Variants in CNTN4 observed in about 807,000 individuals in gnomAD.
The protein encoded by CNTN4 is contactin-4.
In CNTN4, 77 loss-of-function variants were observed where a neutral mutation model predicts 122.5. The observed-to-expected ratio is 0.63, with a 90% confidence interval of 0.52 to 0.76. The LOEUF is 0.76. Ranked by LOEUF, CNTN4 falls within the 30% of genes least tolerant of loss-of-function variation. CNTN4 has a pLI of 0.00. For missense variants in CNTN4, 1,256 were observed against 1,259.1 expected (o/e 1.00, Z 0.04); for synonymous variants, 512 against 447.0 (o/e 1.15, Z -1.83).
intron 7 of CNTN4, among the ~76,000 whole-genome samples, chr3:2,837,738 T>C (rs1162818583): frequency 6.6e-6 from 1 of 152,110 alleles, no homozygotes; most frequent in Non-Finnish European, 1.5e-5. Flanking sequence ...TGGGGAAATG[T>C]GGTGTTTGTC....
chr3:2,595,087 G>C (rs569355735), intron 4 of CNTN4, among the ~76,000 whole-genome samples: 1 of 152,136 alleles, frequency 6.6e-6, no homozygotes, highest in African/African-American at 2.4e-5. Flanking sequence ...ACATTAGTGG[G>C]AACAGTACAT....
intron 13 of CNTN4, among the ~76,000 whole-genome samples, chr3:2,976,639 C>G (rs1252053839): frequency 6.6e-6 from 1 of 152,108 alleles, no homozygotes; most frequent in Non-Finnish European, 1.5e-5. Flanking sequence ...AGATGGGGAG[C>G]AAAGCCATCT....
intron 3 of CNTN4, among the ~76,000 whole-genome samples, chr3:2,348,758 A>C (rs2044498211): frequency 6.6e-6 from 1 of 152,178 alleles, no homozygotes; most frequent in African/African-American, 2.4e-5. Context: ...CATTATCCAC[A>C]ATGCTCTTTT....
At chr3:2,784,522 A>C (rs759089090) in intron 6 of CNTN4, among the ~76,000 whole-genome samples, 1 of 152,232 alleles carries the variant, frequency 6.6e-6, no homozygotes, top group Non-Finnish European at 1.5e-5. Context: ...ATTCAAAGTT[A>C]AACCATACTC....
chr3:2,901,403 T>C (rs1157604649), intron 11 of CNTN4, among the ~76,000 whole-genome samples: 3 of 151,730 alleles, frequency 2.0e-5, no homozygotes, highest in Admixed American at 6.6e-5. Flanking sequence ...CAGAAAAGAG[T>C]GCCTGCTCGG....
chr3:2,635,044 C>T (rs530473244), intron 4 of CNTN4, among the ~76,000 whole-genome samples: 9 of 152,176 alleles, frequency 5.9e-5, no homozygotes, highest in Admixed American at 2.0e-4. Flanking sequence ...AGACAGATAT[C>T]TCGGAACCAT....
chr3:2,570,915 C>T (rs917473986), intron 3 of CNTN4, among the ~76,000 whole-genome samples: 11 of 152,106 alleles, frequency 7.2e-5, no homozygotes, highest in East Asian at 3.9e-4. Flanking sequence ...AAGTGAAACA[C>T]GGGGCAGAGG....
chr3:2,764,884 T>C (rs1247441073), intron 6 of CNTN4, among the ~76,000 whole-genome samples: 1 of 152,144 alleles, frequency 6.6e-6, no homozygotes, highest in African/African-American at 2.4e-5. Flanking sequence ...AACTCAGACA[T>C]AAAAAAATTA....
intron 2 of CNTN4, among the ~76,000 whole-genome samples, chr3:2,150,226 G>A (rs779207633): frequency 2.7e-4 from 41 of 151,998 alleles, no homozygotes; most frequent in Admixed American, 1.8e-3. Context: ...TTCTAATATA[G>A]GGATAGATCA....
chr3:2,989,481 AC>A (rs1434934170), intron 14 of CNTN4, among the ~76,000 whole-genome samples: 2 of 150,708 alleles, frequency 1.3e-5, no homozygotes, highest in Non-Finnish European at 1.5e-5. Context: ...ATCAAAAAAA[AC>A]AATTTGCCTT....
intron 6 of CNTN4, among the ~76,000 whole-genome samples, chr3:2,752,046 C>G (rs1171103848): frequency 6.6e-6 from 1 of 152,184 alleles, no homozygotes; most frequent in Non-Finnish European, 1.5e-5. Context: ...ATCCCAGAAT[C>G]ATTTCCAACA....
intron 7 of CNTN4, among the ~76,000 whole-genome samples, chr3:2,856,556 T>A (rs1327075144): frequency 6.6e-6 from 1 of 150,704 alleles, no homozygotes. Flanking sequence ...AAATACAATT[T>A]CGTGGGGAAG....
chr3:2,265,923 C>A (rs1238185115), intron 2 of CNTN4, among the ~76,000 whole-genome samples: 1 of 151,970 alleles, frequency 6.6e-6, no homozygotes, highest in Non-Finnish European at 1.5e-5. Flanking sequence ...ATTTTGTATT[C>A]TGCAACTTTA....
intron 2 of CNTN4, among the ~76,000 whole-genome samples, chr3:2,211,980 T>G (rs928401791): frequency 6.6e-6 from 1 of 152,152 alleles, no homozygotes; most frequent in Non-Finnish European, 1.5e-5. Flanking sequence ...TTCTCTTTCT[T>G]TTTTTCCTTT....
At chr3:2,745,875 T>C (rs1021829766) in intron 6 of CNTN4, among the ~76,000 whole-genome samples, 178 bp downstream of exon 6, 2 of 152,346 alleles carry the variant, frequency 1.3e-5, no homozygotes, top group Middle Eastern at 3.4e-3. Context: ...TAAATCTAAG[T>C]GAGAAGATGT....
chr3:2,628,750 T>C (rs1478356070), intron 4 of CNTN4, among the ~76,000 whole-genome samples: 2 of 152,244 alleles, frequency 1.3e-5, no homozygotes, highest in Non-Finnish European at 2.9e-5. Flanking sequence ...GTAACTGCCA[T>C]ACTGAAAGAA....
intron 4 of CNTN4, among the ~76,000 whole-genome samples, chr3:2,693,531 CAT>C (rs773642005): frequency 1.3e-5 from 2 of 152,148 alleles, no homozygotes; most frequent in Middle Eastern, 3.4e-3. Flanking sequence ...TAAATAATAA[CAT>C]GTGGTAGATG....
Position 2,665,622 on chromosome 3 carries a change from T to C in CNTN4, c.56-70593T>C, listed in dbSNP as rs75078832. On this transcript the variant is annotated intron_variant, in intron 4 of 24. Transcript: ENST00000418658. ...GAAAAAATTGGACATCTGTTTTTGT[T>C]TGTGATAGCAAATTCCCTATGGGAT... Among the ~76,000 whole-genome samples, 161 of 152,286 alleles carry C rather than the reference T, an allele frequency of 1.1e-3. 1 individual carries two copies. Among genetic ancestry groups the C allele is most frequent in the Middle Eastern group, 6.8e-3 (2 of 292 alleles).
At chr3:2,293,105 T>A (rs867123271) in intron 2 of CNTN4, among the ~76,000 whole-genome samples, 2 of 139,834 alleles carry the variant, frequency 1.4e-5, no homozygotes, top group South Asian at 4.4e-4. Context: ...TGTATAGTGC[T>A]ATTGCACTGT....
Sources: gnomAD v4.1 joint callset for allele counts (sites outside exome capture counted in the v4.1 genomes callset) on GRCh38, gnomAD v4.1.1 for gene constraint, MANE v1.5 for transcripts, NCBI Gene and HGNC (gene_info 2026-07-23, HGNC 2026-07-21) for gene names.